The following NAALADL2 variants were observed in gnomAD, a reference collection of about 807,000 sequenced individuals.
NAALADL2 encodes the protein inactive N-acetylated-alpha-linked acidic dipeptidase-like protein 2.
Under a neutral mutation model 87.2 loss-of-function variants are expected in NAALADL2, and 76 were observed. The ratio of observed to expected loss-of-function variants is 0.87; its 90% CI spans 0.72 to 1.05. The LOEUF (loss-of-function observed/expected upper bound fraction) is 1.05. NAALADL2 is among the 50% of genes least tolerant of loss of function. NAALADL2 has a pLI of 0.00. For missense variants in NAALADL2, 1,089 were observed against 945.8 expected, an observed-to-expected ratio of 1.15 and a Z score of -1.99; for synonymous variants, 354 against 331.0, an observed-to-expected ratio of 1.07 and a Z score of -0.75.
At chr3:174,789,319 G>A (rs1294675803) in intron 3 of NAALADL2, among the ~76,000 whole-genome samples, 2 of 152,160 alleles carry the variant, frequency 1.3e-5, no homozygotes, top group African/African-American at 4.8e-5. Flanking sequence ...CAAAAGGAGT[G>A]GAGCCACCAG....
intron 9 of NAALADL2, among the ~76,000 whole-genome samples, chr3:175,499,300 A>C (rs1005190582): frequency 6.6e-6 from 1 of 152,160 alleles, no homozygotes; most frequent in Non-Finnish European, 1.5e-5. Flanking sequence ...ATAAATTTGC[A>C]TATAACCAAT....
intron 1 of NAALADL2, among the ~76,000 whole-genome samples, chr3:174,526,646 T>C (rs1399669440): frequency 6.6e-6 from 1 of 151,842 alleles, no homozygotes; most frequent in East Asian, 1.9e-4. Flanking sequence ...TTAATAATTG[T>C]ATTTGGTAAC....
At chr3:175,797,954 A>T (rs1019986991) in intron 13 of NAALADL2, among the ~76,000 whole-genome samples, 2 of 152,112 alleles carry the variant, frequency 1.3e-5, no homozygotes, top group Admixed American at 1.3e-4. Flanking sequence ...ATGAGAACAT[A>T]TGTGATAACA....
upstream of NAALADL2, chr3:174,859,268 G>A (rs1726179098): frequency 7.7e-6 from 5 of 648,322 alleles, no homozygotes; most frequent in African/African-American, 1.8e-5. Flanking sequence ...AACTCAGGAA[G>A]CAGAATGGTA....
intron 11 of NAALADL2, among the ~76,000 whole-genome samples, chr3:175,691,838 A>C (rs1157118437): frequency 6.6e-6 from 1 of 152,118 alleles, no homozygotes; most frequent in East Asian, 1.9e-4. Flanking sequence ...GTCATAAAAT[A>C]ATTTAAAAGT....
intron 8 of NAALADL2, among the ~76,000 whole-genome samples, chr3:175,469,528 A>C (rs1724568421): frequency 6.6e-6 from 1 of 152,110 alleles, no homozygotes; most frequent in Non-Finnish European, 1.5e-5. Flanking sequence ...AATGGAATTT[A>C]TAGACAGAAT....
chr3:175,345,309 C>G (rs1763037971), intron 5 of NAALADL2, among the ~76,000 whole-genome samples: 1 of 151,400 alleles, frequency 6.6e-6, no homozygotes, highest in Non-Finnish European at 1.5e-5. Context: ...TATAGCCAAC[C>G]ATTAAGAAGT....
chr3:175,622,188 T>G (rs1432845476), intron 10 of NAALADL2, among the ~76,000 whole-genome samples: 2 of 152,174 alleles, frequency 1.3e-5, no homozygotes, highest in African/African-American at 4.8e-5. Context: ...TTGCCTTCCT[T>G]TTCTGTAGCT....
intron 13 of NAALADL2, among the ~76,000 whole-genome samples, chr3:175,801,812 A>G (rs1754186916): frequency 6.6e-6 from 1 of 152,116 alleles, no homozygotes; most frequent in Admixed American, 6.6e-5. Flanking sequence ...TTCTAACAAA[A>G]TGCATCTATT....
chr3:175,403,351 T>G (rs1711702328), intron 5 of NAALADL2, among the ~76,000 whole-genome samples: 1 of 152,164 alleles, frequency 6.6e-6, no homozygotes, highest in Non-Finnish European at 1.5e-5. Flanking sequence ...AACCATTTGT[T>G]TTGTAGATGT....
At chr3:174,508,584 T>C (rs1578050111) in intron 1 of NAALADL2, among the ~76,000 whole-genome samples, 1 of 152,364 alleles carries the variant, frequency 6.6e-6, no homozygotes, top group African/African-American at 2.4e-5. Context: ...TGTAACAATA[T>C]TGAGTATTTC....
chr3:175,045,397 A>AT (rs1214690953), intron 1 of NAALADL2, among the ~76,000 whole-genome samples: 2 of 151,812 alleles, frequency 1.3e-5, no homozygotes, highest in African/African-American at 4.8e-5. Flanking sequence ...TGTGTTTATA[A>AT]TTTTTCTGTT....
intron 2 of NAALADL2, among the ~76,000 whole-genome samples, chr3:174,600,162 G>C (rs1048793739): frequency 6.6e-6 from 1 of 151,896 alleles, no homozygotes; most frequent in African/African-American, 2.4e-5. Flanking sequence ...CCACACTTTA[G>C]TGAAACAAGA....
At chr3:175,796,789 T>A (rs909263922) in intron 13 of NAALADL2, among the ~76,000 whole-genome samples, 1 of 152,208 alleles carries the variant, frequency 6.6e-6, no homozygotes, top group Non-Finnish European at 1.5e-5. Context: ...TAATGAATGT[T>A]AATTCAGGCT....
chr3:175,705,389 C>A (rs937061590), intron 11 of NAALADL2, among the ~76,000 whole-genome samples: 16 of 151,870 alleles, frequency 1.1e-4, no homozygotes, highest in East Asian at 3.9e-4. Flanking sequence ...AATTTAGATT[C>A]AAGAAATTAG....
At chr3:174,886,577 G>A (rs1418877567) in intron 1 of NAALADL2, among the ~76,000 whole-genome samples, 4 of 152,168 alleles carry the variant, frequency 2.6e-5, no homozygotes, top group Admixed American at 2.6e-4. Context: ...AAGGAAAGAA[G>A]AGTTAAGAAT....
intron 11 of NAALADL2, among the ~76,000 whole-genome samples, chr3:175,632,811 A>G (rs62284538): frequency 0.14 from 21,188 of 152,110 alleles, 1,621 homozygotes; most frequent in Middle Eastern, 0.21. Flanking sequence ...ATGAGGTTGT[A>G]GTTCAGAAAG....
chr3:175,024,682 C>A (rs1177736022), intron 1 of NAALADL2, among the ~76,000 whole-genome samples: 3 of 151,874 alleles, frequency 2.0e-5, no homozygotes, highest in African/African-American at 7.3e-5. Flanking sequence ...TATAGGAGAA[C>A]AGGATATCAG....
chr3:174,740,615 C>T (rs999912501), intron 3 of NAALADL2, among the ~76,000 whole-genome samples: 2 of 151,698 alleles, frequency 1.3e-5, no homozygotes, highest in Non-Finnish European at 3.0e-5. Context: ...TAATCAAAAT[C>T]TAATTTAAAG....
Sources: gnomAD v4.1 joint callset for allele counts (sites outside exome capture counted in the v4.1 genomes callset) on GRCh38, gnomAD v4.1.1 for gene constraint, MANE v1.5 for transcripts, NCBI Gene and HGNC (gene_info 2026-07-23, HGNC 2026-07-21) for gene names.